The following PTCD2 variants were observed in gnomAD, a reference collection of about 807,000 sequenced individuals.
PTCD2 encodes the protein pentatricopeptide repeat-containing protein 2, mitochondrial.
PTCD2 carries 31 observed loss-of-function variants against 42.6 expected under a neutral mutation model. The observed-to-expected ratio is 0.73, with a 90% CI of 0.55 to 0.98. The LOEUF (loss-of-function observed/expected upper bound fraction) is 0.98. PTCD2 is among the 50% of genes least tolerant of loss of function. PTCD2 has a pLI of 0.00. For synonymous variants in PTCD2, 183 were observed against 170.9 expected (o/e 1.07, Z -0.55); for missense variants, 476 against 454.8 (o/e 1.05, Z -0.42).
chr5:72,349,556 C>G (rs1477025198), intron 8 of PTCD2, among the ~76,000 whole-genome samples: 1 of 152,072 alleles, frequency 6.6e-6, no homozygotes, highest in African/African-American at 2.4e-5. Flanking sequence ...TTTCTGCATC[C>G]TCAGGGCTTC....
intron 9 of PTCD2, among the ~76,000 whole-genome samples, chr5:72,354,382 G>GAAAAAAAAAAAAA (rs35170727): frequency 3.4e-5 from 1 of 29,814 alleles, no homozygotes; most frequent in African/African-American, 1.5e-4. Flanking sequence ...GACTCCATCT[G>GAAAAAAAAAAAAA]AAAAAAAAAA....
intron 4 of PTCD2, among the ~76,000 whole-genome samples, chr5:72,333,153 T>C (rs1311111790): frequency 6.6e-6 from 1 of 152,156 alleles, no homozygotes; most frequent in Non-Finnish European, 1.5e-5. Context: ...AGGGGGCCCA[T>C]TGTGCCATCT....
chr5:72,358,605 T>C lies in PTCD2; in HGVS notation c.*178T>C. 1.6e-6 allele frequency: 1 copy of C among 606,526 alleles called. No homozygotes were observed. The allele number at this position is 606,526 out of a possible 1,614,324, so 37.6% of individuals were successfully genotyped here. On this transcript the variant is annotated 3_prime_UTR_variant, in exon 10 of 10. Coordinates refer to ENST00000380639, the MANE Select transcript of PTCD2 (RefSeq NM_024754.5). ...TCTCTGAGAAGTTATGTTGCACCAC[T>C]GTGAAGGTCTAGATGCAAGCTTGGC...
chr5:72,327,331 A>G (rs1325540003), intron 3 of PTCD2, among the ~76,000 whole-genome samples: 1 of 152,214 alleles, frequency 6.6e-6, no homozygotes, highest in Non-Finnish European at 1.5e-5. Flanking sequence ...TTCCCATGTC[A>G]GAAAGAACTC....
At position 72,363,037 on chromosome 5, in the gene PTCD2, A is replaced by T. The variant is rs1315498820; in HGVS notation, c.*4610A>T. Reference sequence around the variant, plus strand: ...AGGAGGTAAGGATTTACCTGCTACAATTTGGGTAGGCAAAAATGTAGGCTT... The same window carrying T: ...AGGAGGTAAGGATTTACCTGCTACATTTTGGGTAGGCAAAAATGTAGGCTT... On this transcript the variant is annotated 3_prime_UTR_variant, in exon 10 of 10. Transcript: ENST00000380639. The T allele has an allele frequency of 6.6e-6, 1 of 152,332 alleles. No homozygotes were observed. Among genetic ancestry groups the T allele is most frequent in the Middle Eastern group, 3.4e-3 (1 of 294 alleles). The allele number at this position is 152,332 out of a possible 1,614,324, so 9.4% of individuals were successfully genotyped here.
At chr5:72,353,219 C>T (rs910031676) in intron 9 of PTCD2, among the ~76,000 whole-genome samples, 19 of 152,160 alleles carry the variant, frequency 1.2e-4, no homozygotes, top group Non-Finnish European at 4.4e-5. Context: ...TCTCTCACAC[C>T]AGCCTCTTCA....
In PTCD2 at chr5:72,342,972, C is replaced by G; in HGVS notation, c.764C>G (p.Ala255Gly). 1 of 1,593,878 alleles carries G rather than the reference C, an allele frequency of 6.3e-7. No homozygotes were observed. The highest frequency in any genetic ancestry group is 8.6e-7 in the Non-Finnish European group (1 of 1,168,716). ...VALALNQNEM[A>G]KAVSIFSQIM... ...TTCTCTTCCTTCTAGAATGAGATGG[C>G]AAAAGCTGTGTCCATTTTTTCTCAA... The change falls in exon 8 of 10, where the codon GCA becomes GGA. Residue 255 changes from alanine to glycine, a missense_variant. Coordinates refer to ENST00000380639, the MANE Select transcript of PTCD2 (RefSeq NM_024754.5).
chr5:72,356,859 G>A (rs537165471), intron 9 of PTCD2, among the ~76,000 whole-genome samples: 42 of 152,316 alleles, frequency 2.8e-4, no homozygotes, highest in African/African-American at 9.4e-4. Flanking sequence ...AGATGTGCAG[G>A]TGCAAACAGT....
At chr5:72,332,614 A>G (rs531208977) in intron 4 of PTCD2, among the ~76,000 whole-genome samples, 1 of 152,374 alleles carries the variant, frequency 6.6e-6, no homozygotes, top group South Asian at 2.1e-4. Flanking sequence ...GAGTATGGTG[A>G]TAAAAACAAA....
chr5:72,339,687 T>C (rs1231757645), intron 7 of PTCD2, among the ~76,000 whole-genome samples: 1 of 140,162 alleles, frequency 7.1e-6, no homozygotes, highest in African/African-American at 3.0e-5. Flanking sequence ...TGTGTTTTTC[T>C]TTCTTTGTAT....
Position 72,338,607 on chromosome 5 carries a change from C to T in PTCD2, c.640-15C>T, listed in dbSNP as rs1325031012. On this transcript the variant is annotated splice_polypyrimidine_tract_variant and intron_variant, in intron 6 of 9. Transcript: ENST00000380639. ...AGGTTTATAACATTAATCGAACAATCCTGTCTCCTCACAGAATAGCCCTGA... is the reference window on the plus strand; with the variant it reads ...AGGTTTATAACATTAATCGAACAATTCTGTCTCCTCACAGAATAGCCCTGA... The T allele has an allele frequency of 1.5e-6, 2 of 1,353,202 alleles. No individual in the cohort carries two copies. Among genetic ancestry groups the T allele is most frequent in the African/African-American group, 1.4e-5 (1 of 69,116 alleles). The allele number at this position is 1,353,202 out of a possible 1,614,324, so 83.8% of individuals were successfully genotyped here. A position where few individuals can be genotyped will look rare whatever the true frequency, so the allele number is the denominator to read the frequency against.
chr5:72,360,495 G>A lies in PTCD2; in HGVS notation c.*2068G>A, dbSNP rs997396735. On this transcript the variant is annotated 3_prime_UTR_variant, in exon 10 of 10. Coordinates refer to ENST00000380639, the MANE Select transcript of PTCD2 (RefSeq NM_024754.5). ...CTGTTCCCAGAAACCTCAGTACAGA[G>A]GTAGCTATATGCATAATGTTCACCC... The A allele has an allele frequency of 2.0e-5, 3 of 152,100 alleles. No individual in the cohort carries two copies. Among genetic ancestry groups the A allele is most frequent in the African/African-American group, 7.2e-5 (3 of 41,412 alleles). 9.4% of individuals were successfully genotyped at this position (152,100 alleles called of 1,614,324 possible). A position where few individuals can be genotyped will look rare whatever the true frequency, so the allele number is the denominator to read the frequency against.
intron 5 of PTCD2, 62 bp downstream of exon 5, chr5:72,335,158 G>C (rs901117862): frequency 1.5e-5 from 14 of 919,244 alleles, no homozygotes; most frequent in Middle Eastern, 2.1e-4. Flanking sequence ...TAGGAACTAG[G>C]GGGAAAAATG....
At chr5:72,345,639 T>C (rs1752322018) in intron 8 of PTCD2, among the ~76,000 whole-genome samples, 1 of 152,344 alleles carries the variant, frequency 6.6e-6, no homozygotes, top group South Asian at 2.1e-4. Flanking sequence ...CCATGAAATC[T>C]TCACAATTTA....
intron 6 of PTCD2, among the ~76,000 whole-genome samples, chr5:72,337,850 CTGTGT>C (rs1478519571): frequency 3.3e-5 from 5 of 152,198 alleles, no homozygotes; most frequent in African/African-American, 1.2e-4. Flanking sequence ...CTTTTCTCCC[CTGTGT>C]CATGTCCAAG....
At chr5:72,355,635 T>C (rs1197020361) in intron 9 of PTCD2, among the ~76,000 whole-genome samples, 1 of 152,182 alleles carries the variant, frequency 6.6e-6, no homozygotes, top group African/African-American at 2.4e-5. Context: ...ATGTGTCACA[T>C]TGATGGCTTA....
chr5:72,343,161 A>C, intron 8 of PTCD2, 125 bp downstream of exon 8: 1 of 441,894 alleles, frequency 2.3e-6, no homozygotes, highest in Non-Finnish European at 3.9e-6. Context: ...TTTTCATTCA[A>C]ATCAATAGTC....
In PTCD2 at chr5:72,335,091, A is replaced by G. The variant is rs139329644; in HGVS notation, c.542A>G (p.Tyr181Cys). The change falls in exon 5 of 10, where the codon TAT (tyrosine) becomes TGT (cysteine). Residue 181 changes from tyrosine to cysteine, a missense_variant. Coordinates refer to ENST00000380639, the MANE Select transcript of PTCD2 (RefSeq NM_024754.5). The part of the protein sequence containing the change: ...LMDMLFIKGK[Y>C]KSALQVLIEM... Reference sequence around the variant, plus strand: ...GATATGTTATTTATCAAAGGCAAATATAAAAGTAAGTACTGCAATTTCTAT... The same window carrying G: ...GATATGTTATTTATCAAAGGCAAATGTAAAAGTAAGTACTGCAATTTCTAT... 2.5e-5 allele frequency: 39 copies of G among 1,538,682 alleles called. No individual in the cohort carries two copies. The highest frequency in any genetic ancestry group is 3.4e-5 in the Non-Finnish European group (38 of 1,112,484).
At chr5:72,358,101 C>A in intron 9 of PTCD2, 102 bp from the exon 10 acceptor site, 1 of 1,061,472 alleles carries the variant, frequency 9.4e-7, no homozygotes, top group Non-Finnish European at 1.4e-6. Context: ...GCCTGGCCTA[C>A]CATACATTTT....
Sources: allele counts gnomAD v4.1 joint callset (sites outside exome capture counted in the v4.1 genomes callset), GRCh38; gene constraint gnomAD v4.1.1; transcripts MANE v1.5; gene names NCBI Gene and HGNC (gene_info 2026-07-23, HGNC 2026-07-21).